CACNA1C: variants seen among roughly 807,000 people sequenced by gnomAD.
The protein encoded by CACNA1C is calcium voltage-gated channel subunit alpha1 C.
A neutral mutation model predicts 229.0 loss-of-function variants in CACNA1C; 30 were observed. The ratio of observed to expected loss-of-function variants is 0.13; its 90% CI spans 0.10 to 0.18. The LOEUF (loss-of-function observed/expected upper bound fraction) is 0.18. Ranked by LOEUF, CACNA1C falls within the 10% of genes least tolerant of loss-of-function variation. The pLI is 1.00. For synonymous variants in CACNA1C, 1,114 were observed against 1,132.5 expected, an observed-to-expected ratio of 0.98 and a Z score of 0.33; for missense variants, 1,658 against 2,845.0, an observed-to-expected ratio of 0.58 and a Z score of 9.49.
At position 2,585,917 on chromosome 12, in the gene CACNA1C, C is replaced by T. The variant is rs374170716; in HGVS notation, c.2530+13C>T. 147 of 1,532,968 alleles carry T rather than the reference C, an allele frequency of 9.6e-5. No individual in the cohort carries two copies. The African/African-American group carries it at 1.5e-3, about 16-fold the overall frequency. 95.0% of individuals were successfully genotyped at this position (1,532,968 alleles called of 1,614,324 possible). ...CCAGAAACTACAGGTACCAGTCCCA[C>T]TGCCTAACCTGGGATTGGGAGATTG... On this transcript the variant is annotated intron_variant, in intron 18 of 46. Transcript: ENST00000399655. This position sits in a 1 kb window ranked among gnomAD's most constrained non-coding sequence, Gnocchi z 4.1.
intron 1 of CACNA1C, among the ~76,000 whole-genome samples, chr12:2,021,756 A>G (rs1035658934): frequency 3.3e-5 from 5 of 152,134 alleles, no homozygotes; most frequent in African/African-American, 1.2e-4. Flanking sequence ...CATCTGGTGA[A>G]GGCTTTCTTA....
chr12:2,667,233 A>C (rs112697925), intron 37 of CACNA1C, among the ~76,000 whole-genome samples: 1 of 103,714 alleles, frequency 9.6e-6, no homozygotes, highest in Non-Finnish European at 1.8e-5. Flanking sequence ...ACCATGACCC[A>C]AAAAAAAAGT....
At chr12:2,255,370 C>T (rs759431810) in intron 3 of CACNA1C, among the ~76,000 whole-genome samples, 13 of 152,068 alleles carry the variant, frequency 8.5e-5, no homozygotes, top group African/African-American at 1.2e-4. Context: ...TGGGGTCATT[C>T]GGGGTGTGAC....
chr12:2,456,632 T>A (rs2099426717), intron 4 of CACNA1C, among the ~76,000 whole-genome samples: 1 of 152,172 alleles, frequency 6.6e-6, no homozygotes, highest in South Asian at 2.1e-4. Flanking sequence ...GATAGTGAAG[T>A]GGGTCCCGCC....
chr12:2,516,424 C>T (rs756084915), intron 9 of CACNA1C, among the ~76,000 whole-genome samples: 1 of 152,106 alleles, frequency 6.6e-6, no homozygotes, highest in Non-Finnish European at 1.5e-5. Context: ...AGAAGCAACA[C>T]GATCTGACAG....
At chr12:2,028,523 T>C (rs898273415) in intron 1 of CACNA1C, among the ~76,000 whole-genome samples, 4 of 152,208 alleles carry the variant, frequency 2.6e-5, no homozygotes, top group Admixed American at 2.0e-4. Context: ...CTATTTACTA[T>C]TGAATTCCTC....
chr12:2,202,080 A>G (rs542913225), intron 3 of CACNA1C, among the ~76,000 whole-genome samples: 1 of 152,338 alleles, frequency 6.6e-6, no homozygotes, highest in Admixed American at 6.5e-5. Context: ...TGATTAGAGA[A>G]ATGATAATGA....
chr12:2,183,311 C>T lies in CACNA1C; in HGVS notation c.477+62881C>T, dbSNP rs967702001. Among the ~76,000 whole-genome samples the T allele has an allele frequency of 2.6e-5, 4 of 152,176 alleles. No individual in the cohort carries two copies. In the South Asian group the frequency reaches 6.2e-4, roughly 24 times the overall value. ...ACCTTGTAGGAGAACAGAGCTCCTT[C>T]GCCTGAGGGGCATGAGTCCCTATGC... On this transcript the variant is annotated intron_variant, in intron 3 of 46. Transcript: ENST00000399655.
chr12:2,123,909 A>T (rs1313153188), intron 3 of CACNA1C, among the ~76,000 whole-genome samples: 1 of 152,188 alleles, frequency 6.6e-6, no homozygotes, highest in Non-Finnish European at 1.5e-5. Flanking sequence ...AATGAGCCAA[A>T]ATATGTAAAG....
At chr12:2,015,906 C>T (rs1174460961) in intron 1 of CACNA1C, among the ~76,000 whole-genome samples, 1 of 152,122 alleles carries the variant, frequency 6.6e-6, no homozygotes, top group Non-Finnish European at 1.5e-5. Flanking sequence ...GAGGATTAAA[C>T]AAGAAAATAC....
intron 45 of CACNA1C, among the ~76,000 whole-genome samples, chr12:2,687,059 G>A (rs1422847067): frequency 6.6e-6 from 1 of 152,220 alleles, no homozygotes; most frequent in African/African-American, 2.4e-5. Context: ...AGTGTGGCCT[G>A]GCTGAGTTGA....
At chr12:2,338,286 G>A (rs559365442) in intron 3 of CACNA1C, among the ~76,000 whole-genome samples, 1 of 152,276 alleles carries the variant, frequency 6.6e-6, no homozygotes, top group African/African-American at 2.4e-5. Context: ...GGTAAATGAA[G>A]AAAACGGACA....
chr12:2,059,348 A>G (rs544661566), intron 1 of CACNA1C, among the ~76,000 whole-genome samples: 72 of 151,792 alleles, frequency 4.7e-4, no homozygotes, highest in South Asian at 1.5e-3. Flanking sequence ...TTAAGTTGGG[A>G]TTGTAGGGAC....
intron 9 of CACNA1C, among the ~76,000 whole-genome samples, chr12:2,520,856 C>A (rs2099808267): frequency 6.6e-6 from 1 of 152,084 alleles, no homozygotes; most frequent in South Asian, 2.1e-4. Context: ...ACAGTCTTCT[C>A]ATTGACCAAT....
At chr12:2,420,814 G>A (rs913410354) in intron 3 of CACNA1C, among the ~76,000 whole-genome samples, 38 of 152,202 alleles carry the variant, frequency 2.5e-4, no homozygotes, top group African/African-American at 9.2e-4. Flanking sequence ...TCCATATCTG[G>A]AGGAACATAC....
At position 2,287,298 on chromosome 12, in the gene CACNA1C, T is replaced by C. The variant is rs2092825153; in HGVS notation, c.478-161678T>C. 6.6e-6 allele frequency among the ~76,000 whole-genome samples: 1 copy of C among 152,194 alleles called. No individual in the cohort carries two copies. The highest frequency in any genetic ancestry group is 2.1e-4 in the South Asian group (1 of 4,828). ...ATTGAGTCATTCCTGCTCGTCTGGA[T>C]TGTGATTGCGACCCGTGCCTCATGG... On this transcript the variant is annotated intron_variant, in intron 3 of 46. Coordinates refer to ENST00000399655, the MANE Select transcript of CACNA1C (RefSeq NM_000719.7). The surrounding 1 kb of genome is among the most constrained non-coding windows in gnomAD (Gnocchi z 4.6).
rs559584251 is a variant in CACNA1C at position 2,459,069 on chromosome 12, G to A, written c.757+1363G>A. ...ACAATCTCAGCTCACTGCAACCTCC[G>A]CCTCCCAGGTTCAAGCGATTCTCCT... On this transcript the variant is annotated intron_variant, in intron 5 of 46. Coordinates refer to ENST00000399655, the MANE Select transcript of CACNA1C (RefSeq NM_000719.7). 8.1e-5 allele frequency among the ~76,000 whole-genome samples: 11 copies of A among 135,980 alleles called. No individual in the cohort carries two copies. The East Asian group carries it at 2.1e-3, about 25-fold the overall frequency. 89.2% of individuals were successfully genotyped at this position (135,980 alleles called of 152,430 possible). A position where few individuals can be genotyped will look rare whatever the true frequency, so the allele number is the denominator to read the frequency against.
At chr12:2,448,117 CAG>C (rs1275070643) in intron 3 of CACNA1C, among the ~76,000 whole-genome samples, 1 of 152,226 alleles carries the variant, frequency 6.6e-6, no homozygotes, top group Non-Finnish European at 1.5e-5. Flanking sequence ...TGAATCAGCA[CAG>C]AGTCGGCTGG....
chr12:2,415,510 A>G (rs1005558438), intron 3 of CACNA1C, among the ~76,000 whole-genome samples: 1 of 152,234 alleles, frequency 6.6e-6, no homozygotes, highest in African/African-American at 2.4e-5. Flanking sequence ...CTCCAAGGCC[A>G]CAGAAAATGA....
Sources: allele counts gnomAD v4.1 joint callset (sites outside exome capture counted in the v4.1 genomes callset), GRCh38; gene constraint gnomAD v4.1.1; non-coding constraint Gnocchi (gnomAD v3.1); transcripts MANE v1.5; gene names NCBI Gene and HGNC (gene_info 2026-07-23, HGNC 2026-07-21).